The following FAM184A variants were observed in gnomAD, a reference collection of about 807,000 sequenced individuals.
FAM184A encodes the protein protein FAM184A.
FAM184A carries 99 observed loss-of-function variants against 143.8 expected under a neutral mutation model. The observed-to-expected ratio is 0.69, with a 90% confidence interval of 0.58 to 0.81. The LOEUF (loss-of-function observed/expected upper bound fraction) is 0.81. FAM184A is among the 40% of genes least tolerant of loss of function. The pLI is 0.00. For synonymous variants in FAM184A, 427 were observed against 446.4 expected, an observed-to-expected ratio of 0.96 and a Z score of 0.55; for missense variants, 1,217 against 1,310.5, an observed-to-expected ratio of 0.93 and a Z score of 1.10.
intron 1 of FAM184A, among the ~76,000 whole-genome samples, chr6:119,105,862 C>A (rs572860434): frequency 7.9e-5 from 12 of 152,122 alleles, no homozygotes; most frequent in Admixed American, 7.9e-4. Context: ...ATATCAAGCA[C>A]ATTTATTGCC....
intron 11 of FAM184A, among the ~76,000 whole-genome samples, chr6:118,976,319 A>T (rs1783845503): frequency 6.6e-6 from 1 of 152,158 alleles, no homozygotes; most frequent in African/African-American, 2.4e-5. Context: ...TATGCAGGTA[A>T]AGTGCTAATG....
At chr6:119,004,587 T>C (rs1784865502) in intron 7 of FAM184A, among the ~76,000 whole-genome samples, 1 of 152,178 alleles carries the variant, frequency 6.6e-6, no homozygotes, top group Non-Finnish European at 1.5e-5. Flanking sequence ...AATGTATTTC[T>C]TTTCCTCAAT....
At chr6:119,001,508 G>C (rs1407921546) in intron 9 of FAM184A, among the ~76,000 whole-genome samples, 2 of 151,908 alleles carry the variant, frequency 1.3e-5, no homozygotes, top group Non-Finnish European at 2.9e-5. Flanking sequence ...AGAACCACAA[G>C]ATGCAAAGCA....
chr6:118,969,562 A>C (rs1162181277), intron 14 of FAM184A, among the ~76,000 whole-genome samples: 1 of 152,166 alleles, frequency 6.6e-6, no homozygotes, highest in Non-Finnish European at 1.5e-5. Flanking sequence ...AGACTAGTCA[A>C]TATTTTTCTT....
chr6:118,960,740 G>T (rs1256250278), intron 17 of FAM184A: 20 of 1,207,894 alleles, frequency 1.7e-5, no homozygotes, highest in Non-Finnish European at 2.0e-5. Context: ...GATTCTTTGG[G>T]CTACTTAAGA....
intron 1 of FAM184A, among the ~76,000 whole-genome samples, chr6:119,038,392 T>C (rs57278807): frequency 7.9e-5 from 12 of 152,060 alleles, no homozygotes; most frequent in East Asian, 7.8e-4. Flanking sequence ...CAGGATGAGA[T>C]AGGAGGTCAT....
intron 1 of FAM184A, among the ~76,000 whole-genome samples, chr6:119,092,486 TATA>T (rs1333107327): frequency 6.6e-6 from 1 of 152,220 alleles, no homozygotes; most frequent in Non-Finnish European, 1.5e-5. Context: ...TGGAGTACAG[TATA>T]ATATTTCAAT....
chr6:118,988,095 T>C (rs1278475746), intron 9 of FAM184A, among the ~76,000 whole-genome samples: 3 of 152,254 alleles, frequency 2.0e-5, no homozygotes, highest in South Asian at 2.1e-4. Context: ...GATAGATTTA[T>C]GCAAAGCTTC....
At chr6:119,132,175 G>A (rs1789550813) in intron 1 of FAM184A, among the ~76,000 whole-genome samples, 1 of 152,156 alleles carries the variant, frequency 6.6e-6, no homozygotes, top group African/African-American at 2.4e-5. Flanking sequence ...CAAATTCTGT[G>A]TAGGTTTTAA....
chr6:119,044,130 C>T (rs1220358294), intron 1 of FAM184A, among the ~76,000 whole-genome samples: 2 of 152,164 alleles, frequency 1.3e-5, no homozygotes, highest in Non-Finnish European at 2.9e-5. Flanking sequence ...AGGAGAATCA[C>T]ACTTTTACCA....
intron 5 of FAM184A, among the ~76,000 whole-genome samples, chr6:119,016,447 G>C (rs1168529454): frequency 6.6e-6 from 1 of 152,040 alleles, no homozygotes; most frequent in Non-Finnish European, 1.5e-5. Flanking sequence ...AGCCCACTGG[G>C]AGGAACGAAC....
intron 1 of FAM184A, among the ~76,000 whole-genome samples, chr6:119,061,630 C>T (rs1164473660): frequency 1.4e-5 from 2 of 143,004 alleles, no homozygotes; most frequent in African/African-American, 5.2e-5. Context: ...CTCTCTCAAC[C>T]TATGGGCCAC....
At position 119,012,374 on chromosome 6, in the gene FAM184A, A is replaced by G. The variant is rs182319772; in HGVS notation, c.1531-943T>C. 2.6e-5 allele frequency among the ~76,000 whole-genome samples: 4 copies of G among 152,344 alleles called. No individual in the cohort carries two copies. The East Asian group carries it at 7.7e-4, about 29-fold the overall frequency. On this transcript the variant is annotated intron_variant, in intron 5 of 17. Transcript: ENST00000338891. ...TGGCTGTGATTATGGCACAGGACTC[A>G]AAGCACACACCACAAAGGAAAAAGA... is the stretch of plus-strand genomic sequence containing the variant.
intron 1 of FAM184A, among the ~76,000 whole-genome samples, chr6:119,125,886 A>T (rs1312248014): frequency 1.3e-5 from 2 of 152,176 alleles, no homozygotes; most frequent in African/African-American, 2.4e-5. Context: ...CCTGAATATG[A>T]TCTGTTGTAG....
At chr6:119,123,465 G>T (rs561871106) in intron 1 of FAM184A, among the ~76,000 whole-genome samples, 6 of 152,218 alleles carry the variant, frequency 3.9e-5, no homozygotes, top group African/African-American at 1.4e-4. Context: ...TCACGTCAGG[G>T]GTAACATGAT....
At chr6:119,023,244 T>A (rs1156881463) in intron 2 of FAM184A, among the ~76,000 whole-genome samples, 164 bp from the exon 3 acceptor site, 1 of 152,224 alleles carries the variant, frequency 6.6e-6, no homozygotes, top group Non-Finnish European at 1.5e-5. Flanking sequence ...GATGTTTTCA[T>A]AAACATGACC....
intron 1 of FAM184A, among the ~76,000 whole-genome samples, chr6:119,032,061 C>T (rs1004335081): frequency 6.6e-6 from 1 of 152,068 alleles, no homozygotes; most frequent in African/African-American, 2.4e-5. Flanking sequence ...TACCTGAGAT[C>T]AGGAGTTCAA....
At chr6:119,117,660 C>A (rs1242858229) in intron 1 of FAM184A, among the ~76,000 whole-genome samples, 1 of 152,162 alleles carries the variant, frequency 6.6e-6, no homozygotes, top group African/African-American at 2.4e-5. Flanking sequence ...TCAAAACAAC[C>A]CTGTGAAGTA....
At chr6:119,037,868 T>C (rs1280386201) in intron 1 of FAM184A, among the ~76,000 whole-genome samples, 1 of 151,926 alleles carries the variant, frequency 6.6e-6, no homozygotes, top group Non-Finnish European at 1.5e-5. Flanking sequence ...AAAAAGAAAA[T>C]AAGAAAAAGG....
Sources: gnomAD v4.1 joint callset for allele counts (sites outside exome capture counted in the v4.1 genomes callset) on GRCh38, gnomAD v4.1.1 for gene constraint, MANE v1.5 for transcripts, NCBI Gene and HGNC (gene_info 2026-07-23, HGNC 2026-07-21) for gene names.